Variants in OPCML observed in about 807,000 individuals in gnomAD.
The protein encoded by OPCML is opioid-binding protein/cell adhesion molecule.
OPCML carries 13 observed loss-of-function variants against 37.8 expected under a neutral mutation model. That is an observed-to-expected ratio of 0.34 (90% CI 0.22 to 0.55). OPCML has a LOEUF of 0.55. OPCML is among the 20% of genes least tolerant of loss of function. The pLI, the probability that OPCML is intolerant of heterozygous loss-of-function variation, is 0.91. For missense variants in OPCML, 341 were observed against 435.6 expected (o/e 0.78, Z 1.93); for synonymous variants, 176 against 168.8 (o/e 1.04, Z -0.33).
chr11:132,949,161 A>T (rs1945806510), intron 1 of OPCML, among the ~76,000 whole-genome samples: 1 of 152,234 alleles, frequency 6.6e-6, no homozygotes, highest in African/African-American at 2.4e-5. Flanking sequence ...CAACCTGGAG[A>T]AGATAGAATG....
At chr11:132,642,710 A>C (rs1023547381) in intron 3 of OPCML, among the ~76,000 whole-genome samples, 1 of 152,196 alleles carries the variant, frequency 6.6e-6, no homozygotes. Flanking sequence ...GCCCAACCTC[A>C]TGAAGAAGGT....
intron 3 of OPCML, among the ~76,000 whole-genome samples, chr11:132,604,473 C>A (rs533446583): frequency 6.6e-6 from 1 of 152,240 alleles, no homozygotes; most frequent in East Asian, 1.9e-4. Flanking sequence ...AGCTCTCACT[C>A]CCTTGTAGAA....
intron 3 of OPCML, among the ~76,000 whole-genome samples, chr11:132,569,032 C>T (rs931991304): frequency 1.3e-5 from 2 of 152,134 alleles, no homozygotes; most frequent in Non-Finnish European, 2.9e-5. Context: ...AGATGAAATC[C>T]GTGCAGTGGG....
At chr11:133,223,520 C>A (rs1240950947) in intron 1 of OPCML, among the ~76,000 whole-genome samples, 1 of 152,012 alleles carries the variant, frequency 6.6e-6, no homozygotes, top group African/African-American at 2.4e-5. Context: ...GAGGCATAGT[C>A]GGGAAAAATA....
In OPCML at chr11:133,085,870, C is replaced by T. The variant is rs75345474; in HGVS notation, c.62-142860G>A. 7.5e-4 allele frequency among the ~76,000 whole-genome samples: 114 copies of T among 152,312 alleles called. No homozygotes were observed. In the East Asian group the frequency reaches 0.021, roughly 28 times the overall value. ...GTAGAAGGCAATCTAGGAGATCATG[C>T]GTATGTTAAATCTGCAGTAGCCAAG... is the stretch of plus-strand genomic sequence containing the variant. On this transcript the variant is annotated intron_variant, in intron 1 of 7. Coordinates refer to ENST00000524381, the MANE Select transcript of OPCML (RefSeq NM_001012393.5).
intron 1 of OPCML, among the ~76,000 whole-genome samples, chr11:133,130,095 T>A (rs1033382542): frequency 4.0e-5 from 6 of 151,586 alleles, no homozygotes; most frequent in African/African-American, 1.2e-4. Context: ...AGCAGAGACA[T>A]GAAAAATGAG....
intron 1 of OPCML, among the ~76,000 whole-genome samples, chr11:133,144,618 G>T (rs936903687): frequency 2.0e-5 from 3 of 152,214 alleles, no homozygotes; most frequent in African/African-American, 7.2e-5. Flanking sequence ...GTAAGCATTT[G>T]TCGAGTGCAT....
At chr11:133,155,606 A>G (rs1375713663) in intron 1 of OPCML, among the ~76,000 whole-genome samples, 1 of 152,118 alleles carries the variant, frequency 6.6e-6, no homozygotes, top group Non-Finnish European at 1.5e-5. Context: ...CCTCAGATTA[A>G]CTATGCCGAG....
intron 2 of OPCML, among the ~76,000 whole-genome samples, chr11:132,732,115 A>G (rs1945098017): frequency 1.3e-5 from 2 of 152,164 alleles, no homozygotes; most frequent in African/African-American, 2.4e-5. Flanking sequence ...GAGACAGAGC[A>G]AGTGTTGGTG....
intron 1 of OPCML, among the ~76,000 whole-genome samples, chr11:133,166,695 T>C (rs1950213281): frequency 6.6e-6 from 1 of 152,184 alleles, no homozygotes; most frequent in Non-Finnish European, 1.5e-5. Context: ...TCAGACCTCC[T>C]TCTCCCTCCA....
At chr11:132,468,820 G>A (rs78944654) in intron 4 of OPCML, among the ~76,000 whole-genome samples, 1 of 152,064 alleles carries the variant, frequency 6.6e-6, no homozygotes, top group African/African-American at 2.4e-5. Flanking sequence ...TATGGTAAAC[G>A]CTGGTGGATC....
At chr11:133,078,583 C>T (rs1948658623) in intron 1 of OPCML, among the ~76,000 whole-genome samples, 1 of 152,152 alleles carries the variant, frequency 6.6e-6, no homozygotes, top group South Asian at 2.1e-4. Flanking sequence ...GGCTTCTACC[C>T]CTGCTCAATG....
chr11:133,260,352 GC>G (rs1310481905), intron 1 of OPCML, among the ~76,000 whole-genome samples: 11 of 152,086 alleles, frequency 7.2e-5, no homozygotes, highest in African/African-American at 2.4e-4. Context: ...TTGGAAACTG[GC>G]CACTGTGTTG....
intron 3 of OPCML, among the ~76,000 whole-genome samples, chr11:132,595,861 G>T (rs2096491649): frequency 6.6e-6 from 1 of 152,184 alleles, no homozygotes; most frequent in South Asian, 2.1e-4. Flanking sequence ...GACAAGGGTT[G>T]GATCAGCTAA....
chr11:133,273,370 A>C (rs996187935), intron 1 of OPCML, among the ~76,000 whole-genome samples: 9 of 152,038 alleles, frequency 5.9e-5, no homozygotes, highest in African/African-American at 2.2e-4. Flanking sequence ...GGGGCCGGGA[A>C]TCAGCTCCCA....
intron 2 of OPCML, among the ~76,000 whole-genome samples, chr11:132,796,964 G>T (rs1938360675): frequency 1.3e-5 from 2 of 152,028 alleles, no homozygotes; most frequent in Non-Finnish European, 1.5e-5. Context: ...TGGGCTATTT[G>T]ATTCTTATTG....
chr11:133,147,846 C>A (rs74500138), intron 1 of OPCML, among the ~76,000 whole-genome samples: 7,239 of 152,214 alleles, frequency 0.048, 560 homozygotes, highest in African/African-American at 0.16. Context: ...TAGTTCATAA[C>A]CTCTGTTACT....
intron 3 of OPCML, among the ~76,000 whole-genome samples, chr11:132,537,510 T>G (rs1366278169): frequency 6.6e-6 from 1 of 152,122 alleles, no homozygotes; most frequent in Non-Finnish European, 1.5e-5. Context: ...CTATGTAGCC[T>G]TTGATTAGGT....
rs573664384 is a variant in OPCML, at chr11:133,020,140, G to A, written c.62-77130C>T. On this transcript the variant is annotated intron_variant, in intron 1 of 7. Coordinates refer to ENST00000524381, the MANE Select transcript of OPCML (RefSeq NM_001012393.5). ...TGCTGCCATTACAATGCAGTCACTC[G>A]CCTGTAATCAGTCAAAATAACAAGC... is the stretch of plus-strand genomic sequence containing the variant. 3.9e-5 allele frequency among the ~76,000 whole-genome samples: 6 copies of A among 152,272 alleles called. No individual in the cohort carries two copies. The South Asian group carries it at 6.2e-4, about 16-fold the overall frequency.
Sources: gnomAD v4.1 joint callset for allele counts (sites outside exome capture counted in the v4.1 genomes callset) on GRCh38, gnomAD v4.1.1 for gene constraint, MANE v1.5 for transcripts, NCBI Gene and HGNC (gene_info 2026-07-23, HGNC 2026-07-21) for gene names.